The following RABGEF1 variants were observed in gnomAD, a reference collection of about 807,000 sequenced individuals.
RABGEF1 encodes rab5 GDP/GTP exchange factor.
RABGEF1 carries 26 observed loss-of-function variants against 57.3 expected under a neutral mutation model. The observed-to-expected ratio is 0.45, with a 90% confidence interval of 0.33 to 0.63. RABGEF1 has a LOEUF of 0.63. Among genes scored for constraint, RABGEF1 ranks in the 20% least tolerant of loss-of-function variants. The pLI is 0.02. For missense variants in RABGEF1, 464 were observed against 607.6 expected (o/e 0.76, Z 2.48); for synonymous variants, 185 against 210.7 (o/e 0.88, Z 1.06).
At position 66,754,003 on chromosome 7, in the gene RABGEF1, C is replaced by T. The variant is rs552875237; in HGVS notation, c.-18+13211C>T. Among the ~76,000 whole-genome samples, 6 of 148,068 alleles carry T rather than the reference C, an allele frequency of 4.1e-5. No individual in the cohort carries two copies. In the East Asian group the frequency reaches 6.1e-4, roughly 15 times the overall value. ...TACAGGCATGAGCCAACGTACTAGGCCATTTTTTTTTTTTTTTGAGACAGA... is the reference window on the plus strand; with the variant it reads ...TACAGGCATGAGCCAACGTACTAGGTCATTTTTTTTTTTTTTTGAGACAGA... On this transcript the variant is annotated intron_variant, in intron 1 of 8. Transcript: ENST00000284957.
chr7:66,757,394 A>G (rs1328476671), intron 1 of RABGEF1, among the ~76,000 whole-genome samples: 1 of 152,208 alleles, frequency 6.6e-6, no homozygotes, highest in Non-Finnish European at 1.5e-5. Context: ...CTCAGCATTA[A>G]TAGTGTTTTA....
At chr7:66,761,948 A>G (rs1413301205) in intron 1 of RABGEF1, among the ~76,000 whole-genome samples, 2 of 151,958 alleles carry the variant, frequency 1.3e-5, no homozygotes, top group East Asian at 1.9e-4. Context: ...TTACTTGGGA[A>G]GCCGAGGCAG....
the RABGEF1 span, among the ~76,000 whole-genome samples, chr7:66,659,255 A>C: frequency 3.3e-5 from 5 of 150,744 alleles, no homozygotes; most frequent in African/African-American, 9.7e-5. Flanking sequence ...GTTTGAGACC[A>C]GCCTGGTCAA....
chr7:66,699,255 A>G (rs1208833919), intron 1 of RABGEF1, among the ~76,000 whole-genome samples: 3 of 152,220 alleles, frequency 2.0e-5, no homozygotes, highest in Non-Finnish European at 2.9e-5. Context: ...CACGGGGCAT[A>G]CATTCTTCTT....
intron 1 of RABGEF1, among the ~76,000 whole-genome samples, chr7:66,708,214 A>C (rs943153708): frequency 5.4e-5 from 8 of 149,266 alleles, no homozygotes; most frequent in African/African-American, 2.0e-4. Flanking sequence ...TATATTTTTT[A>C]GTTCTTTGTG....
intron 1 of RABGEF1, among the ~76,000 whole-genome samples, chr7:66,689,569 G>C (rs10950047): frequency 0.21 from 32,365 of 152,008 alleles, 3,902 homozygotes; most frequent in East Asian, 0.31. Flanking sequence ...TTGGGAGGCC[G>C]AGGTGGGCAG....
chr7:66,744,915 G>A (rs117719951), intron 1 of RABGEF1, among the ~76,000 whole-genome samples: 15 of 151,956 alleles, frequency 9.9e-5, no homozygotes, highest in South Asian at 8.3e-4. Flanking sequence ...GTTATCAGCC[G>A]CACACGGTGG....
At chr7:66,700,496 A>AG (rs1236605657) in intron 1 of RABGEF1, among the ~76,000 whole-genome samples, 1 of 87,844 alleles carries the variant, frequency 1.1e-5, no homozygotes, top group Non-Finnish European at 2.6e-5. Flanking sequence ...CCGGAGGGGG[A>AG]GGTAGGGGAG....
the RABGEF1 span, among the ~76,000 whole-genome samples, chr7:66,659,334 C>T: frequency 6.6e-6 from 1 of 151,770 alleles, no homozygotes; most frequent in Non-Finnish European, 1.5e-5. Flanking sequence ...TGCCTGTAAC[C>T]CCAGCTGCTT....
chr7:66,657,632 C>T, the RABGEF1 span, among the ~76,000 whole-genome samples: 1 of 152,132 alleles, frequency 6.6e-6, no homozygotes, highest in African/African-American at 2.4e-5. Context: ...ACCAGTCTAA[C>T]CAACATGGCA....
chr7:66,694,513 C>T (rs534745430), intron 1 of RABGEF1, among the ~76,000 whole-genome samples: 2 of 152,216 alleles, frequency 1.3e-5, no homozygotes, highest in African/African-American at 2.4e-5. Flanking sequence ...GGGAAGCCAG[C>T]AAAGGGCATT....
At position 66,705,876 on chromosome 7, in the gene RABGEF1, ATTTTTTTTTTTTTTTTTTTTTTT is replaced by A. The variant is rs201838145; in HGVS notation, c.-872-6276_-872-6254del. Among the ~76,000 whole-genome samples the A allele has an allele frequency of 7.9e-3, 357 of 45,192 alleles. 3 individuals carry two copies. The highest frequency in any genetic ancestry group is 0.011 in the Non-Finnish European group (277 of 25,966). 29.6% of individuals were successfully genotyped at this position (45,192 alleles called of 152,430 possible). A position where few individuals can be genotyped will look rare whatever the true frequency, so the allele number is the denominator to read the frequency against. ...GGGCACACACCACCACACCCAGCTA[ATTTTTTTTTTTTTTTTTTTTTTT>A]TTTTTTTTTTTTTTGAGACGGAGTC... On this transcript the variant is annotated intron_variant and NMD_transcript_variant, in intron 1 of 9. Transcript: ENST00000607882.
the RABGEF1 span, among the ~76,000 whole-genome samples, chr7:66,660,816 TCTAA>T: frequency 6.6e-6 from 1 of 152,242 alleles, no homozygotes; most frequent in South Asian, 2.1e-4. Flanking sequence ...GGAAATACTT[TCTAA>T]CTCATTCTAT....
intron 1 of RABGEF1, among the ~76,000 whole-genome samples, chr7:66,750,114 G>A (rs2129059957): frequency 6.6e-6 from 1 of 152,342 alleles, no homozygotes; most frequent in East Asian, 1.9e-4. Context: ...ATTGGCCGTT[G>A]CAGTTGGGGT....
chr7:66,703,069 G>A (rs1793527189), intron 1 of RABGEF1, among the ~76,000 whole-genome samples: 1 of 152,144 alleles, frequency 6.6e-6, no homozygotes, highest in Non-Finnish European at 1.5e-5. Context: ...TGCCTCCTGG[G>A]TTCACTCCAT....
At chr7:66,790,357 G>C (rs1430070240) in intron 4 of RABGEF1, among the ~76,000 whole-genome samples, 2 of 152,122 alleles carry the variant, frequency 1.3e-5, no homozygotes, top group African/African-American at 2.4e-5. Context: ...TTCTTCACAT[G>C]CGACAGGCAA....
At chr7:66,763,104 C>T (rs1171947219) in intron 1 of RABGEF1, among the ~76,000 whole-genome samples, 2 of 152,180 alleles carry the variant, frequency 1.3e-5, no homozygotes, top group African/African-American at 2.4e-5. Flanking sequence ...CTCAATCAGT[C>T]GTCCTACTTC....
At chr7:66,697,124 G>A (rs1792471757) in intron 1 of RABGEF1, among the ~76,000 whole-genome samples, 1 of 152,156 alleles carries the variant, frequency 6.6e-6, no homozygotes, top group Non-Finnish European at 1.5e-5. Flanking sequence ...GAGGGTGGAG[G>A]GGGTGCAGAG....
intron 4 of RABGEF1, among the ~76,000 whole-genome samples, chr7:66,794,694 T>C (rs1424246859): frequency 6.6e-6 from 1 of 152,134 alleles, no homozygotes; most frequent in Non-Finnish European, 1.5e-5. Flanking sequence ...TATAACATTG[T>C]TTATTCATAT....
Sources: allele counts gnomAD v4.1 joint callset (sites outside exome capture counted in the v4.1 genomes callset), GRCh38; gene constraint gnomAD v4.1.1; transcripts MANE v1.5; gene names NCBI Gene and HGNC (gene_info 2026-07-23, HGNC 2026-07-21).